The following MAMLD1 variants were observed in gnomAD, a reference collection of about 807,000 sequenced individuals.
MAMLD1 encodes mastermind-like domain-containing protein 1.
In MAMLD1, 14 loss-of-function variants were observed where a neutral mutation model predicts 45.0. That is an observed-to-expected ratio of 0.31 (90% CI 0.21 to 0.49). MAMLD1 has a LOEUF of 0.49. Among genes scored for constraint, MAMLD1 ranks in the 20% least tolerant of loss-of-function variants. MAMLD1 has a pLI of 0.99. For missense variants in MAMLD1, 543 were observed against 603.6 expected, an observed-to-expected ratio of 0.90 and a Z score of 1.05; for synonymous variants, 254 against 247.8, an observed-to-expected ratio of 1.02 and a Z score of -0.24.
At chrX:150,385,726 C>T (rs1336664598) in intron 1 of MAMLD1, among the ~76,000 whole-genome samples, 3 of 110,843 alleles carry the variant, frequency 2.7e-5, no homozygotes, top group African/African-American at 9.8e-5. Context: ...GAGAGGCAGG[C>T]CCACCCAGTG....
intron 1 of MAMLD1, among the ~76,000 whole-genome samples, chrX:150,376,764 G>C (rs1434380753): frequency 1.8e-5 from 2 of 110,274 alleles, no homozygotes; most frequent in African/African-American, 6.6e-5. Context: ...AAATAAAACA[G>C]ATTTTTTGAA....
At position 150,445,545 on chromosome X, in the gene MAMLD1, T is replaced by C; in HGVS notation, c.29T>C (p.Ile10Thr). MDDWKSRLV[I>T]KSMLPHFAMV... is the part of the protein sequence containing the mutation. ...GATGACTGGAAAAGTCGGCTTGTAA[T>C]CAAGAGCATGCTTCCCCATTTCGCC... Residue 10 changes from isoleucine to threonine, a missense_variant, in exon 2 of 8, where the codon ATC (isoleucine) becomes ACC (threonine). Physicochemically the swap from Ile to Thr is moderately conservative, Grantham distance 89 (BLOSUM62 -1). Transcript: ENST00000370401. The C allele has an allele frequency of 8.3e-7, 1 of 1,210,754 alleles. No homozygotes were observed. Among genetic ancestry groups the C allele is most frequent in the Non-Finnish European group, 1.1e-6 (1 of 894,967 alleles).
intron 7 of MAMLD1, among the ~76,000 whole-genome samples, chrX:150,511,322 C>G (rs1355385819): frequency 4.5e-5 from 5 of 111,915 alleles, no homozygotes; most frequent in Non-Finnish European, 9.4e-5. Flanking sequence ...TGCTCCGTGT[C>G]TCTCCATCCC....
chrX:150,473,049 G>T (rs1315319278), intron 4 of MAMLD1, among the ~76,000 whole-genome samples: 1 of 112,656 alleles, frequency 8.9e-6, no homozygotes, highest in Non-Finnish European at 1.9e-5. Flanking sequence ...GAAGTCCCCA[G>T]AGGCCCATAA....
chrX:150,494,264 CCT>C (rs1557408118), intron 5 of MAMLD1, among the ~76,000 whole-genome samples: 3 of 111,292 alleles, frequency 2.7e-5, no homozygotes, highest in Non-Finnish European at 5.7e-5. Context: ...CGTGGTGGTG[CCT>C]GCCTGTAATC....
chrX:150,377,238 T>A (rs975422569), intron 1 of MAMLD1, among the ~76,000 whole-genome samples: 1 of 113,399 alleles, frequency 8.8e-6, no homozygotes, highest in South Asian at 3.5e-4. Context: ...CTGGCCCAGC[T>A]CTACTGCCTT....
intron 1 of MAMLD1, among the ~76,000 whole-genome samples, chrX:150,437,042 G>A: frequency 9.0e-6 from 1 of 111,173 alleles, no homozygotes; most frequent in East Asian, 2.8e-4. Context: ...TGAGGGGCTG[G>A]TATCAAGTCC....
At chrX:150,396,462 T>C (rs782213042) in intron 1 of MAMLD1, among the ~76,000 whole-genome samples, 153 of 111,696 alleles carry the variant, frequency 1.4e-3, no homozygotes, top group Middle Eastern at 9.1e-3. Context: ...AATGTGTTGT[T>C]TAATCTCCAT....
chrX:150,386,800 C>T (rs1340587739), intron 1 of MAMLD1, among the ~76,000 whole-genome samples: 1 of 78,165 alleles, frequency 1.3e-5, no homozygotes, highest in Admixed American at 1.2e-4. Context: ...ACTAAATGTC[C>T]TTTATGACAT....
At chrX:150,435,536 C>A (rs1268341378) in intron 1 of MAMLD1, among the ~76,000 whole-genome samples, 2 of 112,022 alleles carry the variant, frequency 1.8e-5, no homozygotes, top group Non-Finnish European at 3.8e-5. Context: ...AGAATAGCAA[C>A]CCCTGCTTTT....
At chrX:150,367,975 T>C (rs202091901) in intron 1 of MAMLD1, among the ~76,000 whole-genome samples, 9 of 111,292 alleles carry the variant, frequency 8.1e-5, no homozygotes, top group African/African-American at 2.9e-4. Flanking sequence ...GACATTTGGG[T>C]TGGTTCCAAG....
At chrX:150,453,687 C>T (rs1295813378) in intron 2 of MAMLD1, among the ~76,000 whole-genome samples, 1 of 111,893 alleles carries the variant, frequency 8.9e-6, no homozygotes, top group Non-Finnish European at 1.9e-5. Context: ...AATCCCTTTC[C>T]CATAGCCTGC....
At chrX:150,382,901 A>ATTTTTTTTT (rs1477501446) in intron 1 of MAMLD1, among the ~76,000 whole-genome samples, 1 of 40,136 alleles carries the variant, frequency 2.5e-5, no homozygotes. Context: ...TTTTTTTTTT[A>ATTTTTTTTT]TTTTTTATTT....
intron 1 of MAMLD1, among the ~76,000 whole-genome samples, chrX:150,442,057 T>A (rs782252157): frequency 9.0e-6 from 1 of 110,770 alleles, no homozygotes; most frequent in African/African-American, 3.3e-5. Flanking sequence ...GTATTTTTTT[T>A]TTTTTTTGCT....
chrX:150,376,535 G>A (rs999839424), intron 1 of MAMLD1, among the ~76,000 whole-genome samples: 1 of 110,468 alleles, frequency 9.1e-6, no homozygotes, highest in Non-Finnish European at 1.9e-5. Flanking sequence ...GCCCCACACC[G>A]CACTTCCTAG....
rs1557402313 is a variant in MAMLD1 at position 150,398,250 on chromosome X, AGG to A, written c.-64+34721_-64+34722del. On this transcript the variant is annotated intron_variant, in intron 1 of 7. Coordinates refer to ENST00000370401, the MANE Select transcript of MAMLD1 (RefSeq NM_005491.5). ...GAGGAGAAGAAGGAGAAGGAGGAGA[AGG>A]AGAAGAAGAAGAAGAAGAAGAAGAA... Among the ~76,000 whole-genome samples the A allele has an allele frequency of 2.4e-3, 207 of 86,229 alleles. 2 individuals are homozygous for A. The highest frequency in any genetic ancestry group is 0.011 in the Middle Eastern group (2 of 183). The allele number at this position is 86,229 out of a possible 115,157, so 74.9% of individuals were successfully genotyped here. A position where few individuals can be genotyped will look rare whatever the true frequency, so the allele number is the denominator to read the frequency against.
rs781801868 is a variant in MAMLD1, at chrX:150,438,498, G to A, written c.-63-6956G>A. Among the ~76,000 whole-genome samples, 13 of 112,045 alleles carry A rather than the reference G, an allele frequency of 1.2e-4. No homozygotes were observed. In the South Asian group the frequency reaches 4.8e-3, roughly 41 times the overall value. ...TAAAATAAAACCTCATACTCATTCG[G>A]CAGTTAGTCCTCATTCTTCCCCTCC... On this transcript the variant is annotated intron_variant, in intron 1 of 7. Coordinates refer to ENST00000370401, the MANE Select transcript of MAMLD1 (RefSeq NM_005491.5).
At chrX:150,487,820 G>C (rs185786330) in intron 5 of MAMLD1, among the ~76,000 whole-genome samples, 2 of 112,193 alleles carry the variant, frequency 1.8e-5, no homozygotes, top group African/African-American at 6.5e-5. Flanking sequence ...ACCAGCCTTT[G>C]TTAAAAATCC....
chrX:150,383,538 A>T (rs2039540), intron 1 of MAMLD1, among the ~76,000 whole-genome samples: 56,380 of 109,888 alleles, frequency 0.51, 11,025 homozygotes, highest in African/African-American at 0.64. Context: ...ATATTATATT[A>T]AATATCTAAG....
Sources: gnomAD v4.1 joint callset for allele counts (sites outside exome capture counted in the v4.1 genomes callset) on GRCh38, gnomAD v4.1.1 for gene constraint, MANE v1.5 for transcripts, NCBI Gene and HGNC (gene_info 2026-07-23, HGNC 2026-07-21) for gene names.